TRPM3: variants seen among roughly 807,000 people sequenced by gnomAD.
TRPM3 encodes long transient receptor potential channel 3.
In TRPM3, 77 loss-of-function variants were observed where a neutral mutation model predicts 181.2. The observed-to-expected ratio is 0.42, with a 90% confidence interval of 0.35 to 0.51. The LOEUF (loss-of-function observed/expected upper bound fraction) is 0.51. TRPM3 is among the 20% of genes least tolerant of loss of function. TRPM3 has a pLI of 0.01. For synonymous variants in TRPM3, 745 were observed against 796.4 expected (o/e 0.94, Z 1.09); for missense variants, 1,759 against 2,196.7 (o/e 0.80, Z 3.98).
At position 70,745,856 on chromosome 9, in the gene TRPM3, C is replaced by T. The variant is rs771249535; in HGVS notation, c.1272+15745G>A. On this transcript the variant is annotated intron_variant, in intron 8 of 25. Transcript: ENST00000677713. ...GGAAGATGGAACCTGAAGATGAAAT[C>T]GAAAGTCCTGAAGTCAAAGTATGCC... 9.9e-5 allele frequency among the ~76,000 whole-genome samples: 15 copies of T among 152,078 alleles called. No homozygotes were observed. In the East Asian group the frequency reaches 2.5e-3, roughly 25 times the overall value.
chr9:70,874,719 A>T (rs1323062401), intron 1 of TRPM3, among the ~76,000 whole-genome samples: 1 of 151,944 alleles, frequency 6.6e-6, no homozygotes, highest in Non-Finnish European at 1.5e-5. Flanking sequence ...AATATCATAG[A>T]TTCACCAGCT....
At chr9:71,077,317 C>T (rs1427292413) in intron 1 of TRPM3, among the ~76,000 whole-genome samples, 1 of 152,166 alleles carries the variant, frequency 6.6e-6, no homozygotes, top group East Asian at 1.9e-4. Flanking sequence ...AGCCCATCCT[C>T]CCTCCAAAGA....
At chr9:71,368,576 A>T (rs1364699183) in intron 1 of TRPM3, among the ~76,000 whole-genome samples, 1 of 42,362 alleles carries the variant, frequency 2.4e-5, no homozygotes, top group African/African-American at 5.5e-5. Context: ...AAGTGATCTG[A>T]AAAAAAATTG....
chr9:70,650,966 A>C (rs2133784028), intron 9 of TRPM3, among the ~76,000 whole-genome samples: 1 of 152,324 alleles, frequency 6.6e-6, no homozygotes, highest in Admixed American at 6.5e-5. Flanking sequence ...CTACTTATTC[A>C]TAATGTTCAT....
chr9:71,434,607 A>C (rs915253308), intron 1 of TRPM3, among the ~76,000 whole-genome samples: 1 of 152,218 alleles, frequency 6.6e-6, no homozygotes, highest in Non-Finnish European at 1.5e-5. Context: ...TAATTGTTCA[A>C]GGCCCAATGT....
At chr9:70,980,853 T>C (rs2097356617) in intron 1 of TRPM3, among the ~76,000 whole-genome samples, 1 of 152,204 alleles carries the variant, frequency 6.6e-6, no homozygotes, top group South Asian at 2.1e-4. Context: ...TTTTGCCCTA[T>C]AGACAGGCAT....
In TRPM3 at chr9:71,351,699, T is replaced by A. The variant is rs115986013; in HGVS notation, c.183+94954A>T. On this transcript the variant is annotated intron_variant, in intron 1 of 24. Transcript: ENST00000357533. ...GGAAGCTATGATTTACATAACATTT[T>A]AAAATGTCCAATTTGCTATATATAT... is the stretch of plus-strand genomic sequence containing the variant. Among the ~76,000 whole-genome samples the A allele has an allele frequency of 8.5e-3, 1,295 of 152,272 alleles. 22 individuals are homozygous for A. Among genetic ancestry groups the A allele is most frequent in the African/African-American group, 0.029 (1,216 of 41,546 alleles).
chr9:70,603,760 TTG>T (rs1489798542), intron 19 of TRPM3, among the ~76,000 whole-genome samples: 1 of 152,238 alleles, frequency 6.6e-6, no homozygotes, highest in East Asian at 1.9e-4. Flanking sequence ...TTACCCATTT[TTG>T]TGTGTTTTCT....
intron 1 of TRPM3, among the ~76,000 whole-genome samples, chr9:71,234,056 G>A (rs1455364015): frequency 6.6e-6 from 1 of 152,170 alleles, no homozygotes; most frequent in South Asian, 2.1e-4. Context: ...GTTTGGCTGT[G>A]TGGTTCTGGC....
intron 1 of TRPM3, among the ~76,000 whole-genome samples, chr9:70,890,846 A>G (rs2096189016): frequency 6.6e-6 from 1 of 152,028 alleles, no homozygotes; most frequent in African/African-American, 2.4e-5. Context: ...GAATTCATAA[A>G]AGGATAGAAA....
Position 71,319,895 on chromosome 9 carries a change from C to G in TRPM3, c.183+126758G>C, listed in dbSNP as rs186715126. ...CCATTCTTGCTGGTTCCTGAGATAC[C>G]TACAAAGGAAGAATTACAAAATTCT... On this transcript the variant is annotated intron_variant, in intron 1 of 24. Transcript: ENST00000357533. Among the ~76,000 whole-genome samples, 6 of 152,124 alleles carry G rather than the reference C, an allele frequency of 3.9e-5. No individual in the cohort carries two copies. The East Asian group carries it at 1.2e-3, about 29-fold the overall frequency.
chr9:70,980,066 T>TACACACACAC (rs1564893874), intron 1 of TRPM3, among the ~76,000 whole-genome samples: 1 of 6,656 alleles, frequency 1.5e-4, no homozygotes. Flanking sequence ...TGCATGTGCG[T>TACACACACAC]GCACACACAC....
chr9:71,022,317 G>GA (rs2097853471), intron 1 of TRPM3, among the ~76,000 whole-genome samples: 1 of 152,134 alleles, frequency 6.6e-6, no homozygotes, highest in African/African-American at 2.4e-5. Flanking sequence ...TTCATGAAAT[G>GA]ATGCTAGAGT....
At chr9:71,002,196 G>T (rs1364945055) in intron 1 of TRPM3, among the ~76,000 whole-genome samples, 3 of 152,036 alleles carry the variant, frequency 2.0e-5, no homozygotes, top group African/African-American at 4.8e-5. Context: ...CAATCCATCC[G>T]TTCGCCTAGT....
intron 1 of TRPM3, among the ~76,000 whole-genome samples, chr9:71,352,285 TA>T (rs2091685352): frequency 6.6e-6 from 1 of 152,176 alleles, no homozygotes; most frequent in Non-Finnish European, 1.5e-5. Context: ...GAAACATTAA[TA>T]AAAAATTTTC....
At chr9:71,029,729 T>A (rs1398360199) in intron 1 of TRPM3, among the ~76,000 whole-genome samples, 1 of 152,174 alleles carries the variant, frequency 6.6e-6, no homozygotes, top group Non-Finnish European at 1.5e-5. Context: ...ATGAGAGACC[T>A]TCAGCAAAAA....
chr9:71,235,563 A>G (rs1023550024), intron 1 of TRPM3, among the ~76,000 whole-genome samples: 140 of 152,336 alleles, frequency 9.2e-4, no homozygotes, highest in African/African-American at 3.2e-3. Flanking sequence ...AACAATTAAG[A>G]TAGTGTCTAT....
intron 1 of TRPM3, among the ~76,000 whole-genome samples, chr9:70,930,993 G>A (rs151202925): frequency 1.5e-4 from 23 of 152,110 alleles, no homozygotes; most frequent in Admixed American, 3.3e-4. Context: ...TCCAAACTCC[G>A]CATTAGCTAG....
At chr9:71,067,814 A>G (rs1223208027) in intron 1 of TRPM3, among the ~76,000 whole-genome samples, 1 of 152,200 alleles carries the variant, frequency 6.6e-6, no homozygotes, top group East Asian at 1.9e-4. Context: ...ATCAATGACC[A>G]CATACTAAGA....
Sources: gnomAD v4.1 joint callset for allele counts (sites outside exome capture counted in the v4.1 genomes callset) on GRCh38, gnomAD v4.1.1 for gene constraint, MANE v1.5 for transcripts, NCBI Gene and HGNC (gene_info 2026-07-23, HGNC 2026-07-21) for gene names.